RPTOR: variants seen among roughly 807,000 people sequenced by gnomAD.
RPTOR encodes the protein regulatory associated protein of MTOR complex 1.
Under a neutral mutation model 169.9 loss-of-function variants are expected in RPTOR, and 21 were observed. The observed-to-expected ratio is 0.12, with a 90% confidence interval of 0.09 to 0.18. The LOEUF is 0.18. RPTOR is among the 10% of genes least tolerant of loss of function. RPTOR has a pLI of 1.00. For synonymous variants in RPTOR, 732 were observed against 753.2 expected, an observed-to-expected ratio of 0.97 and a Z score of 0.46; for missense variants, 1,133 against 1,855.9, an observed-to-expected ratio of 0.61 and a Z score of 7.16.
chr17:80,846,206 G>T (rs1410245170), intron 10 of RPTOR, among the ~76,000 whole-genome samples: 2 of 152,256 alleles, frequency 1.3e-5, no homozygotes, highest in Admixed American at 1.3e-4. Flanking sequence ...TCCTCTTGCG[G>T]CCCCAGCTCG....
chr17:80,640,045 G>T (rs908802092), intron 2 of RPTOR, among the ~76,000 whole-genome samples: 2 of 152,038 alleles, frequency 1.3e-5, no homozygotes, highest in African/African-American at 2.4e-5. Flanking sequence ...ATTCAGAGGG[G>T]TTATGCTGAA....
At chr17:80,789,303 C>G (rs1178845944) in intron 6 of RPTOR, among the ~76,000 whole-genome samples, 1 of 152,148 alleles carries the variant, frequency 6.6e-6, no homozygotes, top group African/African-American at 2.4e-5. Context: ...GGCAATTACA[C>G]TGATCTTGTA....
At chr17:80,875,263 C>T (rs963089795) in intron 13 of RPTOR, among the ~76,000 whole-genome samples, 2 of 152,204 alleles carry the variant, frequency 1.3e-5, no homozygotes, top group Admixed American at 1.3e-4. Context: ...TGGCCAGGGG[C>T]TCCTCCTGGT....
At chr17:80,836,432 T>C (rs2067565256) in intron 9 of RPTOR, among the ~76,000 whole-genome samples, 1 of 152,198 alleles carries the variant, frequency 6.6e-6, no homozygotes, top group Non-Finnish European at 1.5e-5. Context: ...ATGTCTGTAA[T>C]TCAGCGTGTG....
At chr17:80,687,745 T>C (rs2065959716) in intron 3 of RPTOR, among the ~76,000 whole-genome samples, 1 of 152,234 alleles carries the variant, frequency 6.6e-6, no homozygotes, top group South Asian at 2.1e-4. Flanking sequence ...GGCTGCCTGT[T>C]TAGAGCGTCC....
chr17:80,576,929 C>T (rs573177145), intron 1 of RPTOR, among the ~76,000 whole-genome samples: 1 of 152,186 alleles, frequency 6.6e-6, no homozygotes, highest in African/African-American at 2.4e-5. Context: ...GTCTCGAACT[C>T]ATGGGCTCAG....
Position 80,823,476 on chromosome 17 carries a change from A to C in RPTOR, c.1136+253A>C. ...GAGCAGCGGCCGGCTGAAGCCTCAC[A>C]GCTCTGCAACTCGGGAGGGTAGCAC... On this transcript the variant is annotated intron_variant, in intron 9 of 33. Transcript: ENST00000306801. This position sits in a 1 kb window ranked among gnomAD's most constrained non-coding sequence, Gnocchi z 4.5. The C allele has an allele frequency of 2.4e-6, 1 of 410,172 alleles. No individual in the cohort carries two copies. The highest frequency in any genetic ancestry group is 4.4e-6 in the Non-Finnish European group (1 of 229,158). 25.4% of individuals were successfully genotyped at this position (410,172 alleles called of 1,614,324 possible). A position where few individuals can be genotyped will look rare whatever the true frequency, so the allele number is the denominator to read the frequency against.
At chr17:80,643,836 C>T (rs1431493975) in intron 3 of RPTOR, 26 bp downstream of exon 3, 6 of 1,562,150 alleles carry the variant, frequency 3.8e-6, no homozygotes, top group Non-Finnish European at 4.4e-6. Flanking sequence ...TTGCTCTTCC[C>T]TTTCCTTCTT....
intron 1 of RPTOR, chr17:80,602,601 A>G (rs563540257): frequency 2.1e-5 from 13 of 630,380 alleles, no homozygotes; most frequent in South Asian, 1.5e-4. Flanking sequence ...GGTAACAGGT[A>G]CATAGGTAAC....
At chr17:80,650,502 CT>C in intron 3 of RPTOR, among the ~76,000 whole-genome samples, 1 of 152,140 alleles carries the variant, frequency 6.6e-6, no homozygotes, top group East Asian at 1.9e-4. Context: ...TACCAGTGCA[CT>C]GAGGGGTGGG....
At chr17:80,745,838 AAAG>A (rs1297989509) in intron 5 of RPTOR, among the ~76,000 whole-genome samples, 1 of 152,206 alleles carries the variant, frequency 6.6e-6, no homozygotes, top group Admixed American at 6.5e-5. Context: ...TTGAGAAGGG[AAAG>A]AAGGAGCCCA....
At chr17:80,741,416 G>C (rs1041467429) in intron 5 of RPTOR, among the ~76,000 whole-genome samples, 1 of 152,180 alleles carries the variant, frequency 6.6e-6, no homozygotes, top group Admixed American at 6.5e-5. Context: ...TCTGGGGTTC[G>C]TTGTGAAGGA....
chr17:80,809,660 C>T (rs968858346), intron 7 of RPTOR, among the ~76,000 whole-genome samples: 10 of 152,102 alleles, frequency 6.6e-5, no homozygotes, highest in Non-Finnish European at 1.0e-4. Flanking sequence ...CTTCAAGAGC[C>T]CTTCATGTGT....
intron 11 of RPTOR, among the ~76,000 whole-genome samples, chr17:80,848,542 C>T (rs895699560): frequency 2.6e-5 from 4 of 152,254 alleles, no homozygotes; most frequent in Non-Finnish European, 5.9e-5. Context: ...CCCACGTTTT[C>T]CCTTCGTGCG....
At chr17:80,567,215 C>G (rs956787410) in intron 1 of RPTOR, among the ~76,000 whole-genome samples, 1 of 152,046 alleles carries the variant, frequency 6.6e-6, no homozygotes, top group Non-Finnish European at 1.5e-5. Context: ...AAGTGATCCA[C>G]CTGCCTCAGC....
intron 22 of RPTOR, 64 bp from the exon 23 acceptor site, chr17:80,923,426 A>T: frequency 6.3e-7 from 1 of 1,590,614 alleles, no homozygotes; most frequent in Non-Finnish European, 8.6e-7. Context: ...AAGTTGTTCC[A>T]TGTTCCCTCT....
chr17:80,842,443 C>T (rs1161844239), intron 10 of RPTOR, among the ~76,000 whole-genome samples: 1 of 152,120 alleles, frequency 6.6e-6, no homozygotes, highest in Admixed American at 6.5e-5. Flanking sequence ...TCACATTTCT[C>T]GGAGTGATCC....
In RPTOR at chr17:80,918,445, A is replaced by G. The variant is rs5016363; in HGVS notation, c.2521-4279A>G. Among the ~76,000 whole-genome samples the G allele has an allele frequency of 4.1e-3, 344 of 84,362 alleles. 7 individuals carry two copies. Among genetic ancestry groups the G allele is most frequent in the African/African-American group, 0.016 (323 of 19,806 alleles). 55.3% of individuals were successfully genotyped at this position (84,362 alleles called of 152,430 possible). ...TCATAGCCACGAGCACCCTCGCCGG[A>G]GTCATAGCCACGAGCACCCTCGCCG... On this transcript the variant is annotated intron_variant, in intron 21 of 33. Transcript: ENST00000306801.
intron 3 of RPTOR, among the ~76,000 whole-genome samples, chr17:80,644,348 T>C (rs2143599696): frequency 6.6e-6 from 1 of 151,868 alleles, no homozygotes; most frequent in South Asian, 2.1e-4. Context: ...TACAGTTTTT[T>C]GTTTGTTTGT....
Sources: gnomAD v4.1 joint callset for allele counts (sites outside exome capture counted in the v4.1 genomes callset) on GRCh38, gnomAD v4.1.1 for gene constraint, Gnocchi (gnomAD v3.1) non-coding constraint, MANE v1.5 for transcripts, NCBI Gene and HGNC (gene_info 2026-07-23, HGNC 2026-07-21) for gene names.